INO80: variants seen among roughly 807,000 people sequenced by gnomAD.
INO80 encodes chromatin-remodeling ATPase INO80.
INO80 carries 20 observed loss-of-function variants against 203.4 expected under a neutral mutation model. The ratio of observed to expected loss-of-function variants is 0.10; its 90% CI spans 0.07 to 0.14. The LOEUF is 0.14. Among genes scored for constraint, INO80 ranks in the 10% least tolerant of loss-of-function variants. The probability of loss-of-function intolerance (pLI) is 1.00; values close to 1 mark genes in which losing one functional copy is unlikely to be tolerated. For synonymous variants in INO80, 726 were observed against 685.2 expected, an observed-to-expected ratio of 1.06 and a Z score of -0.93; for missense variants, 1,419 against 1,914.4, an observed-to-expected ratio of 0.74 and a Z score of 4.83.
At chr15:41,099,237 CAAAA>C (rs71104771) in intron 1 of INO80, among the ~76,000 whole-genome samples, 14 of 21,088 alleles carry the variant, frequency 6.6e-4, no homozygotes, top group African/African-American at 1.4e-3. Flanking sequence ...GACCCTGTCT[CAAAA>C]AAAAAAAAAA....
chr15:41,099,802 C>T (rs751774459), intron 1 of INO80, among the ~76,000 whole-genome samples: 3 of 151,710 alleles, frequency 2.0e-5, no homozygotes, highest in Non-Finnish European at 2.9e-5. Context: ...CTTTAAATTT[C>T]ACCTTTTCAA....
intron 24 of INO80, among the ~76,000 whole-genome samples, chr15:41,036,379 TG>T (rs2044576583): frequency 6.6e-6 from 1 of 152,078 alleles, no homozygotes; most frequent in Non-Finnish European, 1.5e-5. Context: ...CACTTCTCTC[TG>T]GTGTTCCTTA....
chr15:41,093,067 G>A lies in INO80; in HGVS notation c.382-885C>T, dbSNP rs532027256. ...GAAAACAAAAACAAAAATTCCAGAA[G>A]AGGCACATCAATACAGACAAAAAGC... On this transcript the variant is annotated intron_variant, in intron 4 of 35. Transcript: ENST00000648947. Among the ~76,000 whole-genome samples the A allele has an allele frequency of 4.6e-5, 7 of 152,198 alleles. No homozygotes were observed. In the South Asian group the frequency reaches 1.5e-3, roughly 32 times the overall value.
At chr15:41,106,190 C>A (rs2045878073) in intron 1 of INO80, among the ~76,000 whole-genome samples, 1 of 151,976 alleles carries the variant, frequency 6.6e-6, no homozygotes. Context: ...TTGAGACCAG[C>A]CTGGGCAACA....
chr15:41,073,552 A>C, intron 10 of INO80, 57 bp from the exon 11 acceptor site: 1 of 1,304,236 alleles, frequency 7.7e-7, no homozygotes, highest in Non-Finnish European at 1.1e-6. Flanking sequence ...GTTCTAAGAT[A>C]CAATTAACAC....
chr15:41,108,338 C>T (rs2045911192), intron 1 of INO80, among the ~76,000 whole-genome samples: 1 of 151,974 alleles, frequency 6.6e-6, no homozygotes, highest in South Asian at 2.1e-4. Flanking sequence ...ACCTGTAATC[C>T]CAGCACTTTG....
intron 1 of INO80, among the ~76,000 whole-genome samples, chr15:41,103,867 ATG>A (rs768426778): frequency 1.3e-5 from 2 of 152,104 alleles, no homozygotes; most frequent in Non-Finnish European, 2.9e-5. Flanking sequence ...TTCCTTTAAA[ATG>A]TCTCTTAACT....
chr15:41,079,945 C>G, intron 8 of INO80, 41 bp from the exon 9 acceptor site: 3 of 1,571,930 alleles, frequency 1.9e-6, no homozygotes, highest in African/African-American at 1.4e-5. Flanking sequence ...GGACCCCATA[C>G]CAGAAGCTGG....
chr15:41,050,882 C>T (rs2044856887), intron 19 of INO80, among the ~76,000 whole-genome samples: 1 of 152,068 alleles, frequency 6.6e-6, no homozygotes. Context: ...GCCTGTAATC[C>T]CAGGACTTTG....
At position 41,050,078 on chromosome 15, in the gene INO80, G is replaced by C; in HGVS notation, c.2299C>G (p.Leu767Val). Residue 767 changes from leucine to valine, a missense_variant, in exon 20 of 36, where the codon CTG becomes GTG. This residue lies in a region of INO80 where 192 missense variants were observed against 406.7 expected (regional missense o/e 0.47). Transcript: ENST00000648947. ...TATAGCAGCTTCTGTCGGCTGGTCAGTTGGCAATACATTAGAATCTCAATC... is the reference window on the plus strand; with the variant it reads ...TATAGCAGCTTCTGTCGGCTGGTCACTTGGCAATACATTAGAATCTCAATC... ...DKIEILMYCQ[L>V]TSRQKLLYQA... is the part of the protein sequence containing the mutation. 6.2e-7 allele frequency: 1 copy of C among 1,612,710 alleles called. No homozygotes were observed. Among genetic ancestry groups the C allele is most frequent in the Non-Finnish European group, 8.5e-7 (1 of 1,178,976 alleles).
chr15:41,090,596 G>A (rs778185524), intron 5 of INO80, among the ~76,000 whole-genome samples: 2 of 151,986 alleles, frequency 1.3e-5, no homozygotes, highest in African/African-American at 4.8e-5. Context: ...AAAAGGAACA[G>A]AGTGGATTGG....
chr15:41,109,013 G>A, intron 1 of INO80: 1 of 164,098 alleles, frequency 6.1e-6, no homozygotes, highest in Non-Finnish European at 1.4e-5. Context: ...CACTTACACA[G>A]ACGCCAATAA....
At chr15:41,019,948 G>A (rs774700902) in intron 26 of INO80, among the ~76,000 whole-genome samples, 5 of 152,204 alleles carry the variant, frequency 3.3e-5, no homozygotes, top group Non-Finnish European at 7.3e-5. Context: ...TTGGCCGGGC[G>A]CGGTGGCTCA....
chr15:41,049,438 G>A lies in INO80; in HGVS notation c.2443-18C>T. 2 of 1,612,634 alleles carry A rather than the reference G, an allele frequency of 1.2e-6. No homozygotes were observed. Among genetic ancestry groups the A allele is most frequent in the Non-Finnish European group, 1.7e-6 (2 of 1,179,014 alleles). ...TTACACACCTAAAAGGAAGGGAAAT[G>A]GTAAGACAATATTACCACATGCAGA... On this transcript the variant is annotated intron_variant, in intron 20 of 35. Coordinates refer to ENST00000648947, the MANE Select transcript of INO80 (RefSeq NM_017553.3).
chr15:41,019,324 G>C (rs2044255853), intron 26 of INO80: 1 of 152,186 alleles, frequency 6.6e-6, no homozygotes, highest in Non-Finnish European at 1.5e-5. Flanking sequence ...CCCTGTCCCA[G>C]CTAGTCTACA....
chr15:41,010,716 A>G (rs1287250749), intron 27 of INO80, among the ~76,000 whole-genome samples: 1 of 152,238 alleles, frequency 6.6e-6, no homozygotes, highest in Non-Finnish European at 1.5e-5. Context: ...GACACTTGAA[A>G]AAATAAAGGC....
Position 40,993,965 on chromosome 15 carries a change from C to T in INO80, c.3570+3564G>A, listed in dbSNP as rs553271982. 5.1e-4 allele frequency among the ~76,000 whole-genome samples: 77 copies of T among 152,222 alleles called. 2 individuals carry two copies. The South Asian group carries it at 0.015, about 29-fold the overall frequency. On this transcript the variant is annotated intron_variant, in intron 29 of 35. Transcript: ENST00000648947. Reference sequence around the variant, plus strand: ...TAGAAGGATGCATTTAAAACTCAAACCAGATCATGTTACTCCTCTGTTCAA... The same window carrying T: ...TAGAAGGATGCATTTAAAACTCAAATCAGATCATGTTACTCCTCTGTTCAA...
intron 18 of INO80, among the ~76,000 whole-genome samples, chr15:41,054,721 C>T (rs775865453): frequency 4.5e-4 from 69 of 152,174 alleles, no homozygotes; most frequent in South Asian, 1.0e-3. Flanking sequence ...TCACCGCAAA[C>T]TCCATCTCCT....
At chr15:41,060,319 T>G (rs1019446336) in intron 14 of INO80, among the ~76,000 whole-genome samples, 1 of 152,200 alleles carries the variant, frequency 6.6e-6, no homozygotes, top group African/African-American at 2.4e-5. Context: ...CTGGGCATGG[T>G]AGCTCACGCC....
Sources: allele counts gnomAD v4.1 joint callset (sites outside exome capture counted in the v4.1 genomes callset), GRCh38; gene constraint gnomAD v4.1.1; regional missense constraint gnomAD v4.1.1; transcripts MANE v1.5; gene names NCBI Gene and HGNC (gene_info 2026-07-23, HGNC 2026-07-21).